WDR25: variants seen among roughly 807,000 people sequenced by gnomAD.
WDR25 encodes WD repeat-containing protein 25.
Under a neutral mutation model 47.7 loss-of-function variants are expected in WDR25, and 35 were observed. The observed-to-expected ratio is 0.73, with a 90% CI of 0.56 to 0.97. The LOEUF is 0.97. Ranked by LOEUF, WDR25 falls within the 50% of genes least tolerant of loss-of-function variation. The probability of loss-of-function intolerance (pLI) is 0.00; values close to 1 mark genes in which losing one functional copy is unlikely to be tolerated. For synonymous variants in WDR25, 248 were observed against 278.9 expected (o/e 0.89, Z 1.10); for missense variants, 634 against 704.7 (o/e 0.90, Z 1.14).
intron 2 of WDR25, among the ~76,000 whole-genome samples, chr14:100,463,795 G>C (rs1444527852): frequency 2.6e-5 from 4 of 152,100 alleles, no homozygotes; most frequent in African/African-American, 9.7e-5. Context: ...TTCAGTGCTT[G>C]GGCCAGGAAC....
chr14:100,413,624 A>AG (rs1230650548), intron 2 of WDR25, among the ~76,000 whole-genome samples: 1 of 152,054 alleles, frequency 6.6e-6, no homozygotes, highest in East Asian at 1.9e-4. Flanking sequence ...CGTGTTAGCC[A>AG]GGATGGTCTC....
intron 4 of WDR25, among the ~76,000 whole-genome samples, chr14:100,517,533 C>A (rs547409175): frequency 6.6e-6 from 1 of 151,976 alleles, no homozygotes; most frequent in South Asian, 2.1e-4. Flanking sequence ...AATATTTTAC[C>A]ACTTCAAGTA....
At chr14:100,394,060 C>T (rs536757885) in intron 2 of WDR25, among the ~76,000 whole-genome samples, 3 of 152,278 alleles carry the variant, frequency 2.0e-5, no homozygotes, top group African/African-American at 4.8e-5. Flanking sequence ...ACTCTGTAAA[C>T]GATAACGCTC....
intron 1 of WDR25, among the ~76,000 whole-genome samples, chr14:100,376,962 C>T (rs1465847781): frequency 6.6e-6 from 1 of 152,234 alleles, no homozygotes; most frequent in East Asian, 1.9e-4. Flanking sequence ...CCTCATGGGG[C>T]TGACTTGCTG....
At chr14:100,396,766 C>T (rs1324967970) in intron 2 of WDR25, among the ~76,000 whole-genome samples, 1 of 152,246 alleles carries the variant, frequency 6.6e-6, no homozygotes, top group African/African-American at 2.4e-5. Context: ...CTAGGGTGGG[C>T]TGTGGCAGGG....
chr14:100,396,804 A>G (rs1167689687), intron 2 of WDR25, among the ~76,000 whole-genome samples: 1 of 152,206 alleles, frequency 6.6e-6, no homozygotes, highest in Non-Finnish European at 1.5e-5. Flanking sequence ...AGACTGCCAG[A>G]GTTGTTTTGC....
intron 2 of WDR25, among the ~76,000 whole-genome samples, chr14:100,419,891 G>A (rs1197331405): frequency 6.6e-6 from 1 of 152,222 alleles, no homozygotes; most frequent in Admixed American, 6.5e-5. Flanking sequence ...ACGCACATTT[G>A]AAATTAATGG....
intron 1 of WDR25, among the ~76,000 whole-genome samples, chr14:100,378,487 A>C (rs1896787131): frequency 6.6e-6 from 1 of 152,102 alleles, no homozygotes; most frequent in Non-Finnish European, 1.5e-5. Flanking sequence ...TTTTTTAACA[A>C]GTAGAAATTC....
In WDR25 at chr14:100,512,435, C is replaced by G. The variant is rs141892305; in HGVS notation, c.1102-13435C>G. Among the ~76,000 whole-genome samples the G allele has an allele frequency of 9.9e-3, 1,501 of 152,168 alleles. 25 individuals are homozygous for G. The highest frequency in any genetic ancestry group is 0.034 in the African/African-American group (1,430 of 41,508). On this transcript the variant is annotated intron_variant, in intron 4 of 6. Coordinates refer to ENST00000402312, the MANE Select transcript of WDR25 (RefSeq NM_001161476.3). The stretch of plus-strand genomic sequence containing the variant: ...AAAATCTGTATAATCTGTGGTGATA[C>G]CACCTCATTTCTCTCAGTGCTGATA...
chr14:100,472,759 TC>T (rs1159925306), intron 3 of WDR25, among the ~76,000 whole-genome samples: 1 of 152,232 alleles, frequency 6.6e-6, no homozygotes. Context: ...ACATTCCCCT[TC>T]CTCCTGGTAA....
chr14:100,443,406 G>A (rs900095142), intron 2 of WDR25, among the ~76,000 whole-genome samples: 2 of 134,910 alleles, frequency 1.5e-5, no homozygotes, highest in Non-Finnish European at 3.1e-5. Context: ...GCCACCGACT[G>A]AATTCTTCCT....
intron 2 of WDR25, among the ~76,000 whole-genome samples, chr14:100,465,820 A>G (rs1000015139): frequency 1.3e-5 from 2 of 152,238 alleles, no homozygotes; most frequent in Admixed American, 1.3e-4. Context: ...TGACATGCCC[A>G]CCAGCAGTGG....
chr14:100,469,686 T>C (rs1214645397), intron 3 of WDR25, among the ~76,000 whole-genome samples: 1 of 152,214 alleles, frequency 6.6e-6, no homozygotes, highest in Admixed American at 6.5e-5. Context: ...ACTGGGCTGA[T>C]GATGGCAGCA....
At chr14:100,470,278 A>G (rs114732724) in intron 3 of WDR25, among the ~76,000 whole-genome samples, 1,829 of 152,298 alleles carry the variant, frequency 0.012, 36 homozygotes, top group African/African-American at 0.042. Flanking sequence ...GGGCTGGGGC[A>G]GATGAGTCTG....
chr14:100,376,862 C>T (rs1477911105), intron 1 of WDR25: 9 of 763,732 alleles, frequency 1.2e-5, no homozygotes, highest in Admixed American at 9.5e-5. Flanking sequence ...TCTTTTACTT[C>T]CTAGCATCTC....
intron 4 of WDR25, among the ~76,000 whole-genome samples, chr14:100,514,776 A>G (rs1036623777): frequency 6.6e-6 from 1 of 151,948 alleles, no homozygotes; most frequent in Admixed American, 6.6e-5. Context: ...GATATTATCT[A>G]TTTTCCTACA....
intron 3 of WDR25, chr14:100,480,923 C>T: frequency 2.8e-6 from 1 of 354,932 alleles, no homozygotes. Context: ...CTGCAGGCAC[C>T]TGGCATGCAC....
At chr14:100,413,812 C>T (rs996684770) in intron 2 of WDR25, among the ~76,000 whole-genome samples, 6 of 152,218 alleles carry the variant, frequency 3.9e-5, no homozygotes, top group East Asian at 1.9e-4. Context: ...TCATGCAGGG[C>T]GTAGCCTTTA....
At chr14:100,495,499 C>T (rs1215393670) in intron 4 of WDR25, among the ~76,000 whole-genome samples, 3 of 152,212 alleles carry the variant, frequency 2.0e-5, no homozygotes, top group African/African-American at 7.2e-5. Flanking sequence ...ATTTTGGGGG[C>T]CACTGATGAT....
Sources: allele counts gnomAD v4.1 joint callset (sites outside exome capture counted in the v4.1 genomes callset), GRCh38; gene constraint gnomAD v4.1.1; transcripts MANE v1.5; gene names NCBI Gene and HGNC (gene_info 2026-07-23, HGNC 2026-07-21).